Variants in WDR97 observed in about 807,000 individuals in gnomAD.
WDR97 encodes the protein WD repeat domain 97.
A neutral mutation model predicts 65.4 loss-of-function variants in WDR97; 111 were observed. The ratio of observed to expected loss-of-function variants is 1.70; its 90% CI spans 1.45 to 1.99. WDR97 has a LOEUF of 1.99. WDR97 is among the 30% of genes most tolerant of loss of function. WDR97 has a pLI of 0.00. For synonymous variants in WDR97, 802 were observed against 397.7 expected (o/e 2.02, Z -12.10); for missense variants, 1,674 against 865.0 (o/e 1.94, Z -11.73).
At position 144,113,721 on chromosome 8, in the gene WDR97, G is replaced by C. The variant is rs1836593353; in HGVS notation, c.3248G>C (p.Arg1083Thr). The C allele has an allele frequency of 1.4e-6, 1 of 693,036 alleles. No homozygotes were observed. Among genetic ancestry groups the C allele is most frequent in the Non-Finnish European group, 2.6e-6 (1 of 379,384 alleles). 42.9% of individuals were successfully genotyped at this position (693,036 alleles called of 1,614,324 possible). ...RPRPSQTQWQ[R>T]KLLQWMGEKP... ...AGGCCATCCCAAACCCAGTGGCAGA[G>C]GAAGCTGCTCCAATGGATGGGGGAG... Residue 1083 changes from arginine (R) to threonine (T), a missense_variant, in exon 17 of 24, where the codon AGG (arginine) becomes ACG (threonine). Transcript: ENST00000323662.
Position 144,114,565 on chromosome 8 carries a change from G to C in WDR97, c.3804G>C (p.Gln1268His), listed in dbSNP as rs767434225. The C allele has an allele frequency of 8.5e-6, 6 of 702,638 alleles. No individual in the cohort carries two copies. Among genetic ancestry groups the C allele is most frequent in the African/African-American group, 1.7e-5 (1 of 57,220 alleles). The allele number at this position is 702,638 out of a possible 1,614,324, so 43.5% of individuals were successfully genotyped here. ...DQPPSLQDQT[Q>H]KKFVILALQL... The stretch of plus-strand genomic sequence containing the variant: ...ACCGCCTGCCTCAGGACCAGACACA[G>C]AAGAAGTTCGTGATACTGGCGCTGC... Residue 1268 changes from glutamine (Q) to histidine (H), a missense_variant, in exon 20 of 24, where the codon CAG becomes CAC. Physicochemically the swap from Gln to His is conservative, Grantham distance 24. Transcript: ENST00000323662.
Position 144,114,635 on chromosome 8 carries a change from G to C in WDR97, c.3874G>C (p.Glu1292Gln). Residue 1292 changes from glutamate (E) to glutamine (Q), a missense_variant, in exon 20 of 24, where the codon GAG (glutamate) becomes CAG (glutamine). Glu to Gln is a conservative substitution (Grantham distance 29). Coordinates refer to ENST00000323662, the MANE Select transcript of WDR97 (RefSeq NM_001316309.2). ...CCTGGAGTCCCGGGATGTGGTGCTGGAGCTCATGTCCTACTTCCTCTACTC... is the reference window on the plus strand; with the variant it reads ...CCTGGAGTCCCGGGATGTGGTGCTGCAGCTCATGTCCTACTTCCTCTACTC... ...CSLESRDVVLELMSYFLYSPV... is the reference protein window; with the variant it reads ...CSLESRDVVLQLMSYFLYSPV... 3 of 702,850 alleles carry C rather than the reference G, an allele frequency of 4.3e-6. No individual in the cohort carries two copies. Among genetic ancestry groups the C allele is most frequent in the Non-Finnish European group, 7.8e-6 (3 of 384,986 alleles). The allele number at this position is 702,850 out of a possible 1,614,324, so 43.5% of individuals were successfully genotyped here.
At position 144,110,257 on chromosome 8, in the gene WDR97, G is replaced by T; in HGVS notation, c.1843+1G>T. On this transcript the variant is annotated splice_donor_variant, in intron 6 of 23. Transcript: ENST00000323662. LOFTEE classifies it high-confidence loss of function. ...ACCTGGAACAGCATTGTGTCTTCGG[G>T]TCAGTAGCTCCCCTGCCAAAGGCCA... is the stretch of plus-strand genomic sequence containing the variant. The T allele has an allele frequency of 1.4e-6, 1 of 702,498 alleles. No individual in the cohort carries two copies. The allele number at this position is 702,498 out of a possible 1,614,324, so 43.5% of individuals were successfully genotyped here. A position where few individuals can be genotyped will look rare whatever the true frequency, so the allele number is the denominator to read the frequency against.
chr8:144,112,998 C>A (rs1374010858), intron 15 of WDR97: 2 of 305,432 alleles, frequency 6.5e-6, no homozygotes, highest in East Asian at 7.5e-5. Flanking sequence ...CCAGCATATT[C>A]CTGGCACTGT....
rs1406356163 is a variant in WDR97, at chr8:144,114,646, C to T, written c.3885C>T (p.Ser1295=). 1.4e-6 allele frequency: 1 copy of T among 702,728 alleles called. No individual in the cohort carries two copies. Among genetic ancestry groups the T allele is most frequent in the Non-Finnish European group, 2.6e-6 (1 of 384,994 alleles). 43.5% of individuals were successfully genotyped at this position (702,728 alleles called of 1,614,324 possible). Residue 1295 remains serine, a synonymous_variant, in exon 20 of 24, where the codon TCC becomes TCT. Coordinates refer to ENST00000323662, the MANE Select transcript of WDR97 (RefSeq NM_001316309.2). ...ESRDVVLELM[S]YFLYSPVHCR... is the part of the protein sequence containing the mutation. ...GGGATGTGGTGCTGGAGCTCATGTC[C>T]TACTTCCTCTACTCTCCCGTGCACT...
rs2130055185 is a variant in WDR97 at position 144,109,625 on chromosome 8, G to A, written c.1291G>A (p.Ala431Thr). Residue 431 changes from alanine to threonine, a missense_variant, in exon 5 of 24, where the codon GCG becomes ACG. Ala to Thr is a moderately conservative substitution (Grantham distance 58). Coordinates refer to ENST00000323662, the MANE Select transcript of WDR97 (RefSeq NM_001316309.2). ...LPAKVLHVQV[A>T]PALPAPAHQS... ...CGCCAAGGTGCTCCACGTGCAGGTG[G>A]CGCCCGCGTTGCCCGCGCCTGCGCA... is the stretch of plus-strand genomic sequence containing the variant. The A allele has an allele frequency of 2.9e-6, 2 of 681,808 alleles. No homozygotes were observed. The highest frequency in any genetic ancestry group is 3.0e-5 in the South Asian group (2 of 65,816). 42.2% of individuals were successfully genotyped at this position (681,808 alleles called of 1,614,324 possible).
In WDR97 at chr8:144,117,314, TG is replaced by T; in HGVS notation, c.*1022del. The T allele has an allele frequency of 6.6e-6, 1 of 152,226 alleles. No homozygotes were observed. Among genetic ancestry groups the T allele is most frequent in the Non-Finnish European group, 1.5e-5 (1 of 68,078 alleles). The allele number at this position is 152,226 out of a possible 1,614,324, so 9.4% of individuals were successfully genotyped here. A position where few individuals can be genotyped will look rare whatever the true frequency, so the allele number is the denominator to read the frequency against. On this transcript the variant is annotated 3_prime_UTR_variant, in exon 24 of 24. Coordinates refer to ENST00000323662, the MANE Select transcript of WDR97 (RefSeq NM_001316309.2). ...ACTGCAGAAGGCCAAGGTTCACAGG[TG>T]TGCGATGAGACTGAGGACTGAGTCT...
In WDR97 at chr8:144,111,935, A is replaced by G; in HGVS notation, c.2686A>G (p.Arg896Gly). 2 of 702,316 alleles carry G rather than the reference A, an allele frequency of 2.8e-6. No homozygotes were observed. The highest frequency in any genetic ancestry group is 2.6e-6 in the Non-Finnish European group (1 of 384,896). 43.5% of individuals were successfully genotyped at this position (702,316 alleles called of 1,614,324 possible). Residue 896 changes from arginine (R) to glycine (G), a missense_variant, in exon 13 of 24, where the codon AGA becomes GGA. Coordinates refer to ENST00000323662, the MANE Select transcript of WDR97 (RefSeq NM_001316309.2). The stretch of plus-strand genomic sequence containing the variant: ...CCAGCAGTGGAGTGCCGGGACCCTC[A>G]GAGTGGAGAGAGAGACCCGGGATGT... Reference protein sequence around the residue: ...GSQQWSAGTLRVERETRDVCA... With the variant: ...GSQQWSAGTLGVERETRDVCA...
intron 15 of WDR97, chr8:144,112,929 A>C: frequency 3.5e-6 from 1 of 288,332 alleles, no homozygotes; most frequent in Non-Finnish European, 6.5e-6. Flanking sequence ...GCCCTTTAGA[A>C]TCCACTGTCT....
At position 144,112,506 on chromosome 8, in the gene WDR97, T is replaced by A. The variant is rs1410223795; in HGVS notation, c.3081T>A (p.Phe1027Leu). ...CTCTCTCTAGCCTCAGGGGCTTCTT[T>A]CCTGCCACCGTGCAGCCCCACAAGG... is the stretch of plus-strand genomic sequence containing the variant. ...KEPLSSLRGF[F>L]PATVQPHKHC... The change falls in exon 15 of 24, where the codon TTT (phenylalanine) becomes TTA (leucine). Residue 1027 changes from phenylalanine to leucine, a missense_variant. Physicochemically the swap from Phe to Leu is conservative, Grantham distance 22. Transcript: ENST00000323662. 7.1e-6 allele frequency: 5 copies of A among 702,506 alleles called. No homozygotes were observed. The highest frequency in any genetic ancestry group is 1.3e-5 in the Non-Finnish European group (5 of 384,930). 43.5% of individuals were successfully genotyped at this position (702,506 alleles called of 1,614,324 possible).
Position 144,113,646 on chromosome 8 carries a change from C to A in WDR97, c.3184-11C>A, listed in dbSNP as rs1032514217. 4.6e-6 allele frequency: 3 copies of A among 652,494 alleles called. No homozygotes were observed. In the African/African-American group the frequency reaches 5.3e-5, roughly 12 times the overall value. The allele number at this position is 652,494 out of a possible 1,614,324, so 40.4% of individuals were successfully genotyped here. A position where few individuals can be genotyped will look rare whatever the true frequency, so the allele number is the denominator to read the frequency against. ...GCAACCCATCAGGCACCATCTCTTG[C>A]CCCTCTGCAGCCAGGGGCAAGCCAG... On this transcript the variant is annotated splice_polypyrimidine_tract_variant and intron_variant, in intron 16 of 23. Coordinates refer to ENST00000323662, the MANE Select transcript of WDR97 (RefSeq NM_001316309.2).
rs1476921662 is a variant in WDR97, at chr8:144,116,294, C to T, written c.*1C>T. 2 of 618,422 alleles carry T rather than the reference C, an allele frequency of 3.2e-6. No homozygotes were observed. The highest frequency in any genetic ancestry group is 5.6e-5 in the East Asian group (2 of 35,548). The allele number at this position is 618,422 out of a possible 1,614,324, so 38.3% of individuals were successfully genotyped here. On this transcript the variant is annotated 3_prime_UTR_variant, in exon 24 of 24. Transcript: ENST00000323662. ...CGCGGACCCTGACACCTACAGCTGA[C>T]CGGACTGGTGGCCTCAGCCCGCCTG... is the stretch of plus-strand genomic sequence containing the variant.
rs981020798 is a variant in WDR97, at chr8:144,108,140, G to A, written c.194G>A (p.Arg65His). 4.3e-6 allele frequency: 3 copies of A among 702,322 alleles called. No homozygotes were observed. In the African/African-American group the frequency reaches 5.2e-5, roughly 12 times the overall value. The allele number at this position is 702,322 out of a possible 1,614,324, so 43.5% of individuals were successfully genotyped here. A position where few individuals can be genotyped will look rare whatever the true frequency, so the allele number is the denominator to read the frequency against. The change falls in exon 2 of 24, where the codon CGC (arginine) becomes CAC (histidine). Residue 65 changes from arginine to histidine, a missense_variant. Physicochemically the swap from Arg to His is conservative, Grantham distance 29. Transcript: ENST00000323662. ...TGGCAAAGCCTGACCCCGCGCGCCC[G>A]CGCCCGCCGGCTGTGGCTGCTTCTG... ...QQWQSLTPRA[R>H]ARRLWLLLRT... is the part of the protein sequence containing the mutation.
At position 144,115,621 on chromosome 8, in the gene WDR97, T is replaced by G. The variant is rs1290877174; in HGVS notation, c.4358T>G (p.Leu1453Arg). The G allele has an allele frequency of 2.9e-6, 2 of 687,634 alleles. No individual in the cohort carries two copies. Among genetic ancestry groups the G allele is most frequent in the African/African-American group, 3.5e-5 (2 of 56,834 alleles). 42.6% of individuals were successfully genotyped at this position (687,634 alleles called of 1,614,324 possible). A position where few individuals can be genotyped will look rare whatever the true frequency, so the allele number is the denominator to read the frequency against. The change falls in exon 22 of 24, where the codon CTG (leucine) becomes CGG (arginine). Residue 1453 changes from leucine (L) to arginine (R), a missense_variant. By Grantham distance (102) the Leu-to-Arg change is moderately radical (BLOSUM62 -2). Coordinates refer to ENST00000323662, the MANE Select transcript of WDR97 (RefSeq NM_001316309.2). ...TTCTGCCTGGAGCCCGAGGCCCGCC[T>G]GCACCCTGCCGGGCCTGCTCAGCTG... Reference protein sequence around the residue: ...KSFCLEPEARLHPAGPAQLPG... With the variant: ...KSFCLEPEARRHPAGPAQLPG...
At position 144,115,801 on chromosome 8, in the gene WDR97, A is replaced by ACACGGTGCCGCCAGT. The variant is rs1337232628; in HGVS notation, c.4538_4539insCACGGTGCCGCCAGT (p.Glu1513delinsAspThrValProProVal). 1 of 692,730 alleles carries ACACGGTGCCGCCAGT rather than the reference A, an allele frequency of 1.4e-6. No homozygotes were observed. The highest frequency in any genetic ancestry group is 2.6e-6 in the Non-Finnish European group (1 of 379,704). 42.9% of individuals were successfully genotyped at this position (692,730 alleles called of 1,614,324 possible). ...AAGGCTGCGCACCCACACCCGCCAG[A>ACACGGTGCCGCCAGT]GCCCTACACGGTGGCGCCGGTGCCC... On this transcript the variant is annotated protein_altering_variant, in exon 22 of 24. Transcript: ENST00000323662.
rs1397855987 is a variant in WDR97, at chr8:144,115,824, C to T, written c.4561C>T (p.Pro1521Ser). The change falls in exon 22 of 24, where the codon CCC (proline) becomes TCC (serine). Residue 1521 changes from proline (P) to serine (S), a missense_variant. Coordinates refer to ENST00000323662, the MANE Select transcript of WDR97 (RefSeq NM_001316309.2). Reference sequence around the variant, plus strand: ...AGAGCCCTACACGGTGGCGCCGGTGCCCGACATGGTGGTGCCACCTCCGCG... The same window carrying T: ...AGAGCCCTACACGGTGGCGCCGGTGTCCGACATGGTGGTGCCACCTCCGCG... The part of the protein sequence containing the change: ...PPEPYTVAPV[P>S]DMVVPPPREH... 1.5e-6 allele frequency: 1 copy of T among 687,470 alleles called. No homozygotes were observed. Among genetic ancestry groups the T allele is most frequent in the Admixed American group, 2.0e-5 (1 of 48,858 alleles). 42.6% of individuals were successfully genotyped at this position (687,470 alleles called of 1,614,324 possible).
In WDR97 at chr8:144,110,555, C is replaced by G; in HGVS notation, c.2058C>G (p.Asp686Glu). 1 of 702,872 alleles carries G rather than the reference C, an allele frequency of 1.4e-6. No homozygotes were observed. The highest frequency in any genetic ancestry group is 2.6e-6 in the Non-Finnish European group (1 of 384,940). The allele number at this position is 702,872 out of a possible 1,614,324, so 43.5% of individuals were successfully genotyped here. ...DSPRLDHRPQ[D>E]DPTDHITGLC... ...CGCGATTAGACCACCGGCCCCAGGA[C>G]GACCCCACGGACCACATCACTGGTG... Residue 686 changes from aspartate (D) to glutamate (E), a missense_variant, in exon 7 of 24, where the codon GAC (aspartate) becomes GAG (glutamate). Coordinates refer to ENST00000323662, the MANE Select transcript of WDR97 (RefSeq NM_001316309.2).
At position 144,109,549 on chromosome 8, in the gene WDR97, CAT is replaced by C; in HGVS notation, c.1216_1217del (p.Met406AlafsTer254). On this transcript the variant is annotated frameshift_variant, in exon 5 of 24. Transcript: ENST00000323662. LOFTEE classifies it high-confidence loss of function. ...WPVLSLCASSMQLWRVRELYS... is the reference protein window; with the variant it reads ...WPVLSLCASSXQLWRVRELYS... Reference sequence around the variant, plus strand: ...CGGTGCTGTCCCTGTGCGCGAGCAGCATGCAGCTGTGGCGCGTACGCGAGCTC... The same window carrying C: ...CGGTGCTGTCCCTGTGCGCGAGCAGCGCAGCTGTGGCGCGTACGCGAGCTC... 1.4e-6 allele frequency: 1 copy of C among 697,464 alleles called. No homozygotes were observed. The highest frequency in any genetic ancestry group is 2.6e-6 in the Non-Finnish European group (1 of 382,484). The allele number at this position is 697,464 out of a possible 1,614,324, so 43.2% of individuals were successfully genotyped here.
chr8:144,108,053 C>T lies in WDR97; in HGVS notation c.113-6C>T. 1.4e-6 allele frequency: 1 copy of T among 702,760 alleles called. No homozygotes were observed. The highest frequency in any genetic ancestry group is 2.7e-5 in the East Asian group (1 of 37,292). The allele number at this position is 702,760 out of a possible 1,614,324, so 43.5% of individuals were successfully genotyped here. On this transcript the variant is annotated splice_polypyrimidine_tract_variant and splice_region_variant and intron_variant, in intron 1 of 23. Transcript: ENST00000323662. ...AGGTGGCAGAACTTCCAGTTCCTGC[C>T]CGCAGAGTTGACTTTCACGGAGCCG...
Sources: gnomAD v4.1 joint callset for allele counts on GRCh38, gnomAD v4.1.1 for gene constraint, MANE v1.5 for transcripts, NCBI Gene and HGNC (gene_info 2026-07-23, HGNC 2026-07-21) for gene names.